Variants in KCNH7 observed in about 807,000 individuals in gnomAD.
KCNH7 encodes voltage-gated inwardly rectifying potassium channel KCNH7.
Under a neutral mutation model 120.8 loss-of-function variants are expected in KCNH7, and 49 were observed. The observed-to-expected ratio is 0.41, with a 90% CI of 0.32 to 0.51. The LOEUF (loss-of-function observed/expected upper bound fraction) is 0.51. Among genes scored for constraint, KCNH7 ranks in the 20% least tolerant of loss-of-function variants. The probability of loss-of-function intolerance (pLI) is 0.38; values close to 1 mark genes in which losing one functional copy is unlikely to be tolerated. For missense variants in KCNH7, 1,097 were observed against 1,446.6 expected, an observed-to-expected ratio of 0.76 and a Z score of 3.92; for synonymous variants, 547 against 516.1, an observed-to-expected ratio of 1.06 and a Z score of -0.81.
At chr2:162,722,561 T>C (rs1213468243) in intron 2 of KCNH7, among the ~76,000 whole-genome samples, 1 of 152,106 alleles carries the variant, frequency 6.6e-6, no homozygotes. Context: ...AGTTTGATAA[T>C]AACATGTCTC....
chr2:162,470,692 C>T (rs1194428765), intron 6 of KCNH7, among the ~76,000 whole-genome samples: 1 of 151,820 alleles, frequency 6.6e-6, no homozygotes, highest in Non-Finnish European at 1.5e-5. Flanking sequence ...CCAGCCGCCC[C>T]TACTGGGAAG....
intron 2 of KCNH7, among the ~76,000 whole-genome samples, chr2:162,696,579 C>T (rs1231416635): frequency 6.6e-6 from 1 of 152,074 alleles, no homozygotes; most frequent in East Asian, 1.9e-4. Flanking sequence ...ACAAAGACCA[C>T]TGCACTAGCA....
chr2:162,498,509 TGTGCAC>T (rs1690574292), intron 6 of KCNH7, among the ~76,000 whole-genome samples: 4 of 149,690 alleles, frequency 2.7e-5, no homozygotes, highest in Admixed American at 6.7e-5. Flanking sequence ...AGGGTGGGGG[TGTGCAC>T]GTGTGTGTGG....
At chr2:162,520,879 C>T (rs1691499535) in intron 3 of KCNH7, among the ~76,000 whole-genome samples, 1 of 151,886 alleles carries the variant, frequency 6.6e-6, no homozygotes, top group Non-Finnish European at 1.5e-5. Flanking sequence ...AGACAAAACT[C>T]TCTCCATCCT....
At chr2:162,397,012 T>G in intron 10 of KCNH7, 67 bp from the exon 11 acceptor site, 6 of 1,042,120 alleles carry the variant, frequency 5.8e-6, no homozygotes, top group Non-Finnish European at 7.2e-6. Flanking sequence ...CTTCTAAAAG[T>G]AGAAGGGGGT....
intron 2 of KCNH7, among the ~76,000 whole-genome samples, chr2:162,760,237 T>TA (rs1246784805): frequency 6.6e-6 from 1 of 152,068 alleles, no homozygotes; most frequent in Non-Finnish European, 1.5e-5. Flanking sequence ...CATAATTTTC[T>TA]AAAAAAAGTC....
At chr2:162,495,205 G>A (rs1047156657) in intron 6 of KCNH7, among the ~76,000 whole-genome samples, 1 of 152,168 alleles carries the variant, frequency 6.6e-6, no homozygotes, top group Non-Finnish European at 1.5e-5. Context: ...CTGGAAGGAT[G>A]TGCTTCCCTT....
chr2:162,778,239 T>C (rs1280893447), intron 2 of KCNH7, among the ~76,000 whole-genome samples: 1 of 152,188 alleles, frequency 6.6e-6, no homozygotes, highest in African/African-American at 2.4e-5. Flanking sequence ...TCATCTTTGT[T>C]ACAATGAAGT....
intron 2 of KCNH7, among the ~76,000 whole-genome samples, chr2:162,687,980 T>C (rs776205435): frequency 1.3e-5 from 2 of 152,082 alleles, no homozygotes; most frequent in Non-Finnish European, 2.9e-5. Context: ...AAAAGCAAAT[T>C]TACTAGTGAT....
intron 2 of KCNH7, among the ~76,000 whole-genome samples, chr2:162,748,983 C>CTTCCTTCT (rs879856527): frequency 7.8e-6 from 1 of 128,512 alleles, no homozygotes; most frequent in Non-Finnish European, 1.6e-5. Context: ...TCCTTCCTTC[C>CTTCCTTCT]TTCCTTCTTT....
At chr2:162,405,545 G>C (rs1020635739) in intron 9 of KCNH7, among the ~76,000 whole-genome samples, 3 of 151,920 alleles carry the variant, frequency 2.0e-5, no homozygotes, top group South Asian at 2.1e-4. Flanking sequence ...TCTCTAAAAT[G>C]TATATGTGCT....
At chr2:162,374,784 G>A (rs1686102517) in intron 14 of KCNH7, among the ~76,000 whole-genome samples, 1 of 151,776 alleles carries the variant, frequency 6.6e-6, no homozygotes, top group South Asian at 2.1e-4. Flanking sequence ...CATTATTCTT[G>A]CAGTTTTTCT....
At chr2:162,434,963 A>G (rs1688190639) in intron 8 of KCNH7, among the ~76,000 whole-genome samples, 1 of 152,036 alleles carries the variant, frequency 6.6e-6, no homozygotes, top group Non-Finnish European at 1.5e-5. Context: ...TCAATTCCTG[A>G]AACCATGTTG....
In KCNH7 at chr2:162,535,553, A is replaced by G. The variant is rs182502243; in HGVS notation, c.463+1372T>C. 3.9e-5 allele frequency among the ~76,000 whole-genome samples: 6 copies of G among 151,902 alleles called. 1 individual carries two copies. The highest frequency in any genetic ancestry group is 1.4e-4 in the African/African-American group (6 of 41,536). On this transcript the variant is annotated intron_variant, in intron 3 of 15. Coordinates refer to ENST00000332142, the MANE Select transcript of KCNH7 (RefSeq NM_033272.4). ...TGAAAGACACGAAAATTAGACTTAGAAAATAAAAATGCATACTATATTTTT... is the reference window on the plus strand; with the variant it reads ...TGAAAGACACGAAAATTAGACTTAGGAAATAAAAATGCATACTATATTTTT...
intron 2 of KCNH7, among the ~76,000 whole-genome samples, chr2:162,680,220 C>G (rs1685666265): frequency 6.6e-6 from 1 of 151,638 alleles, no homozygotes; most frequent in African/African-American, 2.4e-5. Context: ...CACCCTCCCT[C>G]TAACAATATT....
chr2:162,541,294 G>A (rs1179062795), intron 2 of KCNH7, among the ~76,000 whole-genome samples: 1 of 151,984 alleles, frequency 6.6e-6, no homozygotes, highest in African/African-American at 2.4e-5. Flanking sequence ...CAATATAGTT[G>A]GAAAACTATG....
intron 2 of KCNH7, among the ~76,000 whole-genome samples, chr2:162,584,468 A>G (rs1378518317): frequency 1.3e-5 from 2 of 152,146 alleles, no homozygotes; most frequent in Non-Finnish European, 2.9e-5. Flanking sequence ...CTTGGGAGCC[A>G]AGAAGGTGGA....
At chr2:162,438,522 T>C (rs1558945335) in intron 7 of KCNH7, among the ~76,000 whole-genome samples, 1 of 152,154 alleles carries the variant, frequency 6.6e-6, no homozygotes, top group Non-Finnish European at 1.5e-5. Context: ...ATTGCAGAAG[T>C]AATGAGAGAG....
At chr2:162,512,069 AG>A (rs753902567) in intron 5 of KCNH7, among the ~76,000 whole-genome samples, 12 of 151,908 alleles carry the variant, frequency 7.9e-5, no homozygotes, top group Admixed American at 4.6e-4. Flanking sequence ...ACCCTATGGT[AG>A]TTGTAGGTCA....
Sources: allele counts gnomAD v4.1 joint callset (sites outside exome capture counted in the v4.1 genomes callset), GRCh38; gene constraint gnomAD v4.1.1; transcripts MANE v1.5; gene names NCBI Gene and HGNC (gene_info 2026-07-23, HGNC 2026-07-21).